GRM1: variants seen among roughly 807,000 people sequenced by gnomAD.
GRM1 encodes metabotropic glutamate receptor 1.
In GRM1, 33 loss-of-function variants were observed where a neutral mutation model predicts 90.9. The observed-to-expected ratio is 0.36, with a 90% CI of 0.28 to 0.49. The LOEUF (loss-of-function observed/expected upper bound fraction) is 0.49. Among genes scored for constraint, GRM1 ranks in the 20% least tolerant of loss-of-function variants. GRM1 has a pLI of 0.99. For synonymous variants in GRM1, 700 were observed against 613.2 expected, an observed-to-expected ratio of 1.14 and a Z score of -2.09; for missense variants, 1,190 against 1,534.3, an observed-to-expected ratio of 0.78 and a Z score of 3.75.
intron 3 of GRM1, among the ~76,000 whole-genome samples, chr6:146,342,887 T>A (rs1309475703): frequency 6.6e-6 from 1 of 152,246 alleles, no homozygotes; most frequent in Admixed American, 6.5e-5. Flanking sequence ...ATGTCTTATA[T>A]TGCTACGTAA....
chr6:146,171,161 C>T (rs952335547), intron 2 of GRM1, among the ~76,000 whole-genome samples: 1 of 152,162 alleles, frequency 6.6e-6, no homozygotes, highest in African/African-American at 2.4e-5. Context: ...TAAGAGTACT[C>T]TCCTGTGTAA....
chr6:146,125,056 C>T (rs1344657270), intron 1 of GRM1, among the ~76,000 whole-genome samples: 1 of 152,042 alleles, frequency 6.6e-6, no homozygotes. Context: ...TACTTGTTGT[C>T]ACTCCAAATA....
chr6:146,208,802 A>G (rs9497481), intron 2 of GRM1, among the ~76,000 whole-genome samples: 32,580 of 152,028 alleles, frequency 0.21, 7,105 homozygotes, highest in African/African-American at 0.56. Context: ...ATTTTGAATA[A>G]TCTCCAGCTC....
chr6:146,035,558 A>C (rs1790860283), intron 1 of GRM1, among the ~76,000 whole-genome samples: 1 of 151,982 alleles, frequency 6.6e-6, no homozygotes, highest in African/African-American at 2.4e-5. Context: ...ACATTTTATG[A>C]GGTGATCTTT....
At chr6:146,349,232 AT>A (rs11343198) in intron 3 of GRM1, among the ~76,000 whole-genome samples, 54,059 of 134,368 alleles carry the variant, frequency 0.4, 10,699 homozygotes, top group African/African-American at 0.54. Context: ...ATGCCCGGCT[AT>A]TTTTTTTTTT....
At position 146,262,038 on chromosome 6, in the gene GRM1, A is replaced by C. The variant is rs117553561; in HGVS notation, c.951-42573A>C. ...AGAGGCACCTGGGCACATTCTTGAA[A>C]TATCTAGGAATTTCAAAACATAAAA... is the stretch of plus-strand genomic sequence containing the variant. On this transcript the variant is annotated intron_variant, in intron 2 of 7. Transcript: ENST00000282753. Among the ~76,000 whole-genome samples the C allele has an allele frequency of 4.6e-3, 690 of 151,406 alleles. 2 individuals are homozygous for C. Among genetic ancestry groups the C allele is most frequent in the Non-Finnish European group, 6.9e-3 (467 of 67,832 alleles).
intron 5 of GRM1, among the ~76,000 whole-genome samples, chr6:146,373,373 G>A (rs549582253): frequency 1.3e-5 from 2 of 152,114 alleles, no homozygotes; most frequent in African/African-American, 4.8e-5. Flanking sequence ...GTGGAAGCAG[G>A]CGCACCTGAA....
chr6:146,358,601 T>C (rs1775321905), intron 5 of GRM1, among the ~76,000 whole-genome samples: 1 of 152,196 alleles, frequency 6.6e-6, no homozygotes, highest in Non-Finnish European at 1.5e-5. Flanking sequence ...CATGCCGCTG[T>C]ACCATTCTTT....
chr6:146,192,937 A>G (rs1440783558), intron 2 of GRM1, among the ~76,000 whole-genome samples: 1 of 152,146 alleles, frequency 6.6e-6, no homozygotes, highest in Non-Finnish European at 1.5e-5. Context: ...GATGACCGGC[A>G]TAGAAGAAAT....
intron 2 of GRM1, among the ~76,000 whole-genome samples, chr6:146,228,282 G>A (rs537532770): frequency 2.0e-5 from 3 of 152,290 alleles, no homozygotes; most frequent in Admixed American, 6.5e-5. Context: ...AGGACAGAAT[G>A]TCCCAGAGCA....
chr6:146,304,767 T>C lies in GRM1; in HGVS notation c.1107T>C (p.Pro369=). The C allele has an allele frequency of 6.2e-7, 1 of 1,614,112 alleles. No homozygotes were observed. Among genetic ancestry groups the C allele is most frequent in the Non-Finnish European group, 8.5e-7 (1 of 1,179,996 alleles). The change falls in exon 3 of 8, where the codon CCT becomes CCC. Residue 369 remains proline, a synonymous_variant. Coordinates refer to ENST00000282753, the MANE Select transcript of GRM1 (RefSeq NM_001278064.2). The stretch of plus-strand genomic sequence containing the variant: ...CTAACACGAGGAATCCCTGGTTCCC[T>C]GAGTTCTGGCAACATCGGTTCCAGT... ...LDTNTRNPWF[P]EFWQHRFQCR...
At chr6:146,341,806 G>A (rs980564051) in intron 3 of GRM1, among the ~76,000 whole-genome samples, 2 of 152,178 alleles carry the variant, frequency 1.3e-5, no homozygotes, top group Admixed American at 6.5e-5. Context: ...CAGTCTTAAC[G>A]AGAAGCCTTA....
intron 1 of GRM1, among the ~76,000 whole-genome samples, chr6:146,030,987 A>G (rs1022002982): frequency 6.6e-6 from 1 of 152,214 alleles, no homozygotes; most frequent in Non-Finnish European, 1.5e-5. Context: ...CTTACATATT[A>G]GAATTAAAGT....
At chr6:146,040,084 C>A (rs1244762847) in intron 1 of GRM1, among the ~76,000 whole-genome samples, 1 of 151,562 alleles carries the variant, frequency 6.6e-6, no homozygotes, top group Admixed American at 6.6e-5. Context: ...TGGTCAAGGG[C>A]AGTACTTTAA....
chr6:146,090,441 A>T (rs1000316842), intron 1 of GRM1, among the ~76,000 whole-genome samples: 1 of 152,154 alleles, frequency 6.6e-6, no homozygotes, highest in Non-Finnish European at 1.5e-5. Context: ...GACCCAGCCT[A>T]TAGATCTGAT....
chr6:146,319,360 G>A (rs1047132593), intron 3 of GRM1, among the ~76,000 whole-genome samples: 6 of 152,114 alleles, frequency 3.9e-5, no homozygotes, highest in African/African-American at 9.7e-5. Context: ...CTGCTGTTTT[G>A]GGTACTGTAG....
At chr6:146,085,733 T>C (rs985912782) in intron 1 of GRM1, among the ~76,000 whole-genome samples, 3 of 152,188 alleles carry the variant, frequency 2.0e-5, no homozygotes, top group African/African-American at 7.2e-5. Context: ...TTTTCGATTA[T>C]ACATTAATCT....
chr6:146,175,349 C>T (rs1484625793), intron 2 of GRM1, among the ~76,000 whole-genome samples: 3 of 152,258 alleles, frequency 2.0e-5, no homozygotes, highest in East Asian at 1.9e-4. Flanking sequence ...GGAGGACATA[C>T]GTCCCTGTGC....
At chr6:146,033,432 A>G (rs1012978287) in intron 1 of GRM1, among the ~76,000 whole-genome samples, 1 of 152,200 alleles carries the variant, frequency 6.6e-6, no homozygotes, top group Admixed American at 6.5e-5. Context: ...AAATAACTGT[A>G]GTTAATAAAA....
Sources: allele counts gnomAD v4.1 joint callset (sites outside exome capture counted in the v4.1 genomes callset), GRCh38; gene constraint gnomAD v4.1.1; transcripts MANE v1.5; gene names NCBI Gene and HGNC (gene_info 2026-07-23, HGNC 2026-07-21).